SUPT5H: variants seen among roughly 807,000 people sequenced by gnomAD.
SUPT5H encodes the protein transcription elongation factor SPT5.
Under a neutral mutation model 142.5 loss-of-function variants are expected in SUPT5H, and 24 were observed. The observed-to-expected ratio is 0.17, with a 90% CI of 0.12 to 0.24. The LOEUF is 0.24. Among genes scored for constraint, SUPT5H ranks in the 10% least tolerant of loss-of-function variants. The pLI is 1.00. For synonymous variants in SUPT5H, 546 were observed against 553.0 expected (o/e 0.99, Z 0.18); for missense variants, 893 against 1,471.8 (o/e 0.61, Z 6.43).
intron 10 of SUPT5H, among the ~76,000 whole-genome samples, chr19:39,461,033 T>TA (rs2079154143): frequency 6.6e-6 from 1 of 152,046 alleles, no homozygotes; most frequent in South Asian, 2.1e-4. Context: ...CTCCAGCACT[T>TA]AGGGAGGCTG....
At position 39,473,696 on chromosome 19, in the gene SUPT5H, T is replaced by A. The variant is rs1345937429; in HGVS notation, c.2492+175T>A. On this transcript the variant is annotated intron_variant, in intron 25 of 29. Coordinates refer to ENST00000432763, the MANE Select transcript of SUPT5H (RefSeq NM_001111020.3). The surrounding 1 kb of genome is among the most constrained non-coding windows in gnomAD (Gnocchi z 5.8). ...ATGGCGGGGCGGGGGCAAAGCGGCC[T>A]CCTCTCCATCCCCAACCTCAGTAGT... 6.6e-6 allele frequency among the ~76,000 whole-genome samples: 1 copy of A among 152,082 alleles called. No homozygotes were observed. Among genetic ancestry groups the A allele is most frequent in the Non-Finnish European group, 1.5e-5 (1 of 68,010 alleles).
At chr19:39,451,025 A>C (rs1460828735) in intron 2 of SUPT5H, among the ~76,000 whole-genome samples, 1 of 152,200 alleles carries the variant, frequency 6.6e-6, no homozygotes, top group East Asian at 1.9e-4. Flanking sequence ...GAAGGTGAGT[A>C]GATTTGAAGA....
rs141419838 is a variant in SUPT5H, at chr19:39,453,381, C to T, written c.101C>T (p.Ala34Val). The change falls in exon 3 of 30, where the codon GCG (alanine) becomes GTG (valine). Residue 34 changes from alanine to valine, a missense_variant. Ala to Val is a moderately conservative substitution (Grantham distance 64). Transcript: ENST00000432763. ...AEVDEERRSAAGSEKEEEPED... is the reference protein window; with the variant it reads ...AEVDEERRSAVGSEKEEEPED... ...GTAGACGAAGAGCGGCGGAGTGCAG[C>T]GGGCAGTGAGAAAGAAGAAGAGCCT... is the stretch of plus-strand genomic sequence containing the variant. The T allele has an allele frequency of 5.2e-5, 84 of 1,601,498 alleles. No individual in the cohort carries two copies. The highest frequency in any genetic ancestry group is 7.1e-5 in the Non-Finnish European group (83 of 1,173,374).
chr19:39,448,950 C>CCGG (rs2078985965), intron 2 of SUPT5H, among the ~76,000 whole-genome samples: 2 of 145,044 alleles, frequency 1.4e-5, no homozygotes, highest in South Asian at 4.5e-4. Flanking sequence ...AAAAAATTAG[C>CCGG]GTGGTGGTGG....
intron 10 of SUPT5H, among the ~76,000 whole-genome samples, chr19:39,461,812 A>G (rs1280448761): frequency 7.3e-6 from 1 of 136,612 alleles, no homozygotes; most frequent in Non-Finnish European, 1.6e-5. Flanking sequence ...CAACAGAGCG[A>G]GACTGTCTCA....
At chr19:39,465,971 G>A (rs866675099) in intron 11 of SUPT5H, among the ~76,000 whole-genome samples, 2 of 152,188 alleles carry the variant, frequency 1.3e-5, no homozygotes, top group Non-Finnish European at 2.9e-5. Flanking sequence ...CCAAGAGTGA[G>A]CATTTCCTTC....
rs2079240997 is a variant in SUPT5H, at chr19:39,466,602, G to A, written c.966+33G>A. Reference sequence around the variant, plus strand: ...GGGGAATCTGTGGCCTGGGGGGGAGGGAGTGTGCTCGATCCCACTGGTGGC... The same window carrying A: ...GGGGAATCTGTGGCCTGGGGGGGAGAGAGTGTGCTCGATCCCACTGGTGGC... On this transcript the variant is annotated intron_variant, in intron 12 of 29. Coordinates refer to ENST00000432763, the MANE Select transcript of SUPT5H (RefSeq NM_001111020.3). The surrounding 1 kb of genome is among the most constrained non-coding windows in gnomAD (Gnocchi z 4.3). 6.2e-7 allele frequency: 1 copy of A among 1,611,598 alleles called. No homozygotes were observed. Among genetic ancestry groups the A allele is most frequent in the Non-Finnish European group, 8.5e-7 (1 of 1,177,752 alleles).
At chr19:39,456,164 A>G (rs2079086467) in intron 3 of SUPT5H, among the ~76,000 whole-genome samples, 1 of 150,812 alleles carries the variant, frequency 6.6e-6, no homozygotes, top group Non-Finnish European at 1.5e-5. Flanking sequence ...TGGTCCACCC[A>G]TCTCGGCCTC....
chr19:39,454,374 G>C (rs77931132), intron 3 of SUPT5H, among the ~76,000 whole-genome samples: 1 of 94,368 alleles, frequency 1.1e-5, no homozygotes, highest in African/African-American at 3.8e-5. Context: ...TTTTTTTTTT[G>C]AGACGGAGTC....
chr19:39,466,918 C>G lies in SUPT5H; in HGVS notation c.1037+173C>G. ...TCACATCCCTGTGCCTCAGTTTCTT[C>G]TGCTATAAAGATTGATGAGGCTGGG... On this transcript the variant is annotated intron_variant, in intron 13 of 29. Transcript: ENST00000432763. The surrounding 1 kb of genome is among the most constrained non-coding windows in gnomAD (Gnocchi z 4.3). The G allele has an allele frequency of 1.6e-6, 1 of 638,794 alleles. No homozygotes were observed. The highest frequency in any genetic ancestry group is 2.7e-5 in the East Asian group (1 of 36,504). The allele number at this position is 638,794 out of a possible 1,614,324, so 39.6% of individuals were successfully genotyped here. A position where few individuals can be genotyped will look rare whatever the true frequency, so the allele number is the denominator to read the frequency against.
At chr19:39,450,964 A>G (rs1011029623) in intron 2 of SUPT5H, among the ~76,000 whole-genome samples, 4 of 152,216 alleles carry the variant, frequency 2.6e-5, no homozygotes, top group Non-Finnish European at 5.9e-5. Context: ...CAAACCTTCA[A>G]AAAGTTTTAA....
Position 39,474,932 on chromosome 19 carries a change from T to A in SUPT5H, c.3024+214T>A. ...AGGGCTGCCTGGGGAAGGAGAAATCTGAGCCAAGACCTGACAAATGAATAG... is the reference window on the plus strand; with the variant it reads ...AGGGCTGCCTGGGGAAGGAGAAATCAGAGCCAAGACCTGACAAATGAATAG... On this transcript the variant is annotated intron_variant, in intron 28 of 29. Coordinates refer to ENST00000432763, the MANE Select transcript of SUPT5H (RefSeq NM_001111020.3). This position sits in a 1 kb window ranked among gnomAD's most constrained non-coding sequence, Gnocchi z 6.5. 4.9e-6 allele frequency: 3 copies of A among 609,368 alleles called. No individual in the cohort carries two copies. The highest frequency in any genetic ancestry group is 8.7e-6 in the Non-Finnish European group (3 of 345,956). The allele number at this position is 609,368 out of a possible 1,614,324, so 37.7% of individuals were successfully genotyped here.
intron 10 of SUPT5H, among the ~76,000 whole-genome samples, chr19:39,461,821 C>CAAA (rs747295729): frequency 2.7e-4 from 34 of 128,276 alleles, no homozygotes; most frequent in African/African-American, 6.9e-4. Context: ...GAGACTGTCT[C>CAAA]AAAAAAAAAA....
chr19:39,457,922 G>T lies in SUPT5H; in HGVS notation c.307+182G>T, dbSNP rs532679039. 42 of 1,118,130 alleles carry T rather than the reference G, an allele frequency of 3.8e-5. 1 individual carries two copies. The highest frequency in any genetic ancestry group is 1.9e-4 in the Middle Eastern group (1 of 5,156). 69.3% of individuals were successfully genotyped at this position (1,118,130 alleles called of 1,614,324 possible). A position where few individuals can be genotyped will look rare whatever the true frequency, so the allele number is the denominator to read the frequency against. On this transcript the variant is annotated intron_variant, in intron 4 of 29. Transcript: ENST00000432763. ...GCTTTTTCCTTTTAGGCCCATGAGT[G>T]GGGGGTGGGGCCCTGGGGTGGGGAT...
At position 39,445,816 on chromosome 19, in the gene SUPT5H, G is replaced by A. The variant is rs975498905; in HGVS notation, c.-75G>A. On this transcript the variant is annotated 5_prime_UTR_variant, in exon 2 of 30. Transcript: ENST00000432763. ...TTTCTTCTCCCAGGGAACCAGCGGG[G>A]AAACTGAGGCTCGGGGTGGAGCGCA... 1.2e-5 allele frequency: 19 copies of A among 1,558,674 alleles called. No homozygotes were observed. The African/African-American group carries it at 1.6e-4, about 13-fold the overall frequency.
chr19:39,475,926 C>A, intron 28 of SUPT5H, 155 bp from the exon 29 acceptor site: 1 of 659,426 alleles, frequency 1.5e-6, no homozygotes, highest in South Asian at 1.9e-5. Flanking sequence ...GCACCACAGG[C>A]CCCAGGCCTT....
At position 39,466,283 on chromosome 19, in the gene SUPT5H, C is replaced by G. The variant is rs1308513247; in HGVS notation, c.877-197C>G. The stretch of plus-strand genomic sequence containing the variant: ...CCTTTAGACATCCAGGTGGAGATAC[C>G]AAGCAGGCAGTGGCTACTCAGTGCC... On this transcript the variant is annotated intron_variant, in intron 11 of 29. Transcript: ENST00000432763. The surrounding 1 kb of genome is among the most constrained non-coding windows in gnomAD (Gnocchi z 4.3). 6.6e-6 allele frequency among the ~76,000 whole-genome samples: 1 copy of G among 152,088 alleles called. No individual in the cohort carries two copies. Among genetic ancestry groups the G allele is most frequent in the Non-Finnish European group, 1.5e-5 (1 of 68,014 alleles).
Position 39,476,061 on chromosome 19 carries a change from A to AGGCTGTCCC in SUPT5H, c.3025-19_3025-11dup. ...ATGTTGGGAGCAGGACAGGCTGACC[A>AGGCTGTCCC]GGCTGTCCCCATCCTCCAGGGGGGC... On this transcript the variant is annotated intron_variant, in intron 28 of 29. Coordinates refer to ENST00000432763, the MANE Select transcript of SUPT5H (RefSeq NM_001111020.3). The AGGCTGTCCC allele has an allele frequency of 6.2e-7, 1 of 1,611,980 alleles. No individual in the cohort carries two copies. The highest frequency in any genetic ancestry group is 2.2e-5 in the East Asian group (1 of 44,848).
At chr19:39,456,529 T>C (rs989678174) in intron 3 of SUPT5H, among the ~76,000 whole-genome samples, 1 of 151,842 alleles carries the variant, frequency 6.6e-6, no homozygotes, top group East Asian at 1.9e-4. Flanking sequence ...AGCAATTCTC[T>C]GCCTCAGCCT....
Sources: gnomAD v4.1 joint callset for allele counts (sites outside exome capture counted in the v4.1 genomes callset) on GRCh38, gnomAD v4.1.1 for gene constraint, Gnocchi (gnomAD v3.1) non-coding constraint, MANE v1.5 for transcripts, NCBI Gene and HGNC (gene_info 2026-07-23, HGNC 2026-07-21) for gene names.